Variants in CTNNA3 observed in about 807,000 individuals in gnomAD.
CTNNA3 encodes catenin alpha-3.
In CTNNA3, 76 loss-of-function variants were observed where a neutral mutation model predicts 95.7. The observed-to-expected ratio is 0.79, with a 90% CI of 0.66 to 0.96. The LOEUF (loss-of-function observed/expected upper bound fraction) is 0.96. Ranked by LOEUF, CTNNA3 falls within the 40% of genes least tolerant of loss-of-function variation. CTNNA3 has a pLI of 0.00. For synonymous variants in CTNNA3, 431 were observed against 374.4 expected (o/e 1.15, Z -1.74); for missense variants, 1,191 against 1,089.8 (o/e 1.09, Z -1.31).
chr10:66,453,324 A>T (rs7071493), intron 11 of CTNNA3, among the ~76,000 whole-genome samples: 40,338 of 152,072 alleles, frequency 0.27, 5,513 homozygotes, highest in South Asian at 0.39. Flanking sequence ...TAAACTCTCT[A>T]TTGCAATAAC....
chr10:67,172,977 GA>G (rs61247841), intron 7 of CTNNA3, among the ~76,000 whole-genome samples: 23,280 of 130,394 alleles, frequency 0.18, 2,590 homozygotes, highest in African/African-American at 0.35. Flanking sequence ...CCCATCTCAG[GA>G]AAAAAAAAAA....
chr10:67,411,236 T>C (rs1032581877), intron 5 of CTNNA3, among the ~76,000 whole-genome samples: 1 of 152,102 alleles, frequency 6.6e-6, no homozygotes, highest in Non-Finnish European at 1.5e-5. Context: ...GTATATGAGG[T>C]CATGTGTATG....
intron 7 of CTNNA3, among the ~76,000 whole-genome samples, chr10:66,921,404 TA>T (rs1291317971): frequency 2.0e-5 from 3 of 152,194 alleles, no homozygotes; most frequent in African/African-American, 7.2e-5. Context: ...GATCACATAC[TA>T]ACTCTGCACA....
At chr10:66,603,710 T>C (rs184847921) in intron 10 of CTNNA3, among the ~76,000 whole-genome samples, 21 of 152,194 alleles carry the variant, frequency 1.4e-4, no homozygotes, top group Non-Finnish European at 2.6e-4. Flanking sequence ...TAAAACAGTA[T>C]GGTACTAGCA....
chr10:67,569,833 C>G (rs1694221570), intron 3 of CTNNA3, among the ~76,000 whole-genome samples: 1 of 152,046 alleles, frequency 6.6e-6, no homozygotes, highest in Non-Finnish European at 1.5e-5. Flanking sequence ...TTCCTTTTTG[C>G]TCTTTAAAAC....
intron 11 of CTNNA3, among the ~76,000 whole-genome samples, chr10:66,435,761 T>C (rs1441423166): frequency 3.3e-5 from 5 of 152,204 alleles, no homozygotes; most frequent in Non-Finnish European, 7.3e-5. Context: ...GTTCTTTTCA[T>C]TGTGATGTTA....
intron 11 of CTNNA3, among the ~76,000 whole-genome samples, chr10:66,401,525 A>G (rs1247442427): frequency 1.6e-5 from 1 of 63,158 alleles, no homozygotes; most frequent in Non-Finnish European, 3.0e-5. Flanking sequence ...CAAAACACAC[A>G]CACACACACA....
At chr10:66,735,974 AC>A (rs1178538009) in intron 9 of CTNNA3, among the ~76,000 whole-genome samples, 1 of 152,192 alleles carries the variant, frequency 6.6e-6, no homozygotes, top group African/African-American at 2.4e-5. Context: ...TGCCTTGGGA[AC>A]ATGCTTCCCA....
chr10:66,181,075 G>T lies in CTNNA3; in HGVS notation c.1885-77826C>A, dbSNP rs2086015386. Among the ~76,000 whole-genome samples the T allele has an allele frequency of 3.3e-5, 5 of 151,816 alleles. No individual in the cohort carries two copies. The South Asian group carries it at 1.0e-3, about 31-fold the overall frequency. On this transcript the variant is annotated intron_variant, in intron 13 of 17. Coordinates refer to ENST00000433211, the MANE Select transcript of CTNNA3 (RefSeq NM_013266.4). ...AATTTATATTCAGGGATCACTTAGA[G>T]GTAAGTGTGCTGACTCAAAACACTA... is the stretch of plus-strand genomic sequence containing the variant.
In CTNNA3 at chr10:67,558,053, A is replaced by C. The variant is rs74412859; in HGVS notation, c.293-18384T>G. Among the ~76,000 whole-genome samples the C allele has an allele frequency of 4.4e-3, 673 of 152,316 alleles. 8 individuals are homozygous for C. The highest frequency in any genetic ancestry group is 0.015 in the African/African-American group (644 of 41,574). On this transcript the variant is annotated intron_variant, in intron 3 of 17. Transcript: ENST00000433211. Reference sequence around the variant, plus strand: ...CTAAGCCATATTCCCAAATGCAAGAAGAGTCTTGGAAATGTATCTTTTTAT... The same window carrying C: ...CTAAGCCATATTCCCAAATGCAAGACGAGTCTTGGAAATGTATCTTTTTAT...
At chr10:66,822,281 G>T (rs1842330393) in intron 7 of CTNNA3, among the ~76,000 whole-genome samples, 1 of 151,932 alleles carries the variant, frequency 6.6e-6, no homozygotes, top group Non-Finnish European at 1.5e-5. Context: ...CTTGTTCCAT[G>T]ACCACGGCAA....
At chr10:67,710,980 G>A (rs1405323058) in intron 1 of CTNNA3, among the ~76,000 whole-genome samples, 4 of 152,188 alleles carry the variant, frequency 2.6e-5, no homozygotes. Flanking sequence ...TCTTTCCAGT[G>A]CTGTTCTCAT....
At chr10:67,155,065 C>T (rs968459896) in intron 7 of CTNNA3, among the ~76,000 whole-genome samples, 5 of 152,076 alleles carry the variant, frequency 3.3e-5, no homozygotes, top group East Asian at 1.9e-4. Context: ...CTACTCCATT[C>T]GTAATTACGT....
At position 66,520,661 on chromosome 10, in the gene CTNNA3, G is replaced by A; in HGVS notation, c.1487C>T (p.Ala496Val). ...WENHIHVLTE[A>V]VDDITSIDDF... ...ATCAATGCTTGTAATGTCATCTACG[G>A]CTTCAGTGAGGACATGTATATGATT... The change falls in exon 11 of 18, where the codon GCC becomes GTC. Residue 496 changes from alanine (A) to valine (V), a missense_variant. Transcript: ENST00000433211. 6.2e-7 allele frequency: 1 copy of A among 1,609,486 alleles called. No individual in the cohort carries two copies. The highest frequency in any genetic ancestry group is 8.5e-7 in the Non-Finnish European group (1 of 1,177,396).
rs554467664 is a variant in CTNNA3, at chr10:67,190,884, T to C, written c.844-10364A>G. 5.1e-4 allele frequency among the ~76,000 whole-genome samples: 77 copies of C among 152,262 alleles called. 1 individual carries two copies. The highest frequency in any genetic ancestry group is 1.3e-4 in the Non-Finnish European group (9 of 67,958). Reference sequence around the variant, plus strand: ...ATTATCCAAAACATATGAAGGATTCTTAAAACTCAACTATAAATAAATAGC... The same window carrying C: ...ATTATCCAAAACATATGAAGGATTCCTAAAACTCAACTATAAATAAATAGC... On this transcript the variant is annotated intron_variant, in intron 6 of 17. Transcript: ENST00000433211.
intron 3 of CTNNA3, among the ~76,000 whole-genome samples, chr10:67,562,226 T>C (rs1841542667): frequency 6.6e-6 from 1 of 152,104 alleles, no homozygotes; most frequent in African/African-American, 2.4e-5. Context: ...TGAACATTGA[T>C]ACAAAAATCC....
intron 17 of CTNNA3, among the ~76,000 whole-genome samples, chr10:65,955,621 C>T (rs889500417): frequency 1.1e-4 from 17 of 152,084 alleles, no homozygotes; most frequent in African/African-American, 4.1e-4. Flanking sequence ...TTGTCAAAGG[C>T]CTTTTCTGCA....
chr10:67,280,065 G>A (rs971670428), intron 5 of CTNNA3, among the ~76,000 whole-genome samples: 26 of 150,318 alleles, frequency 1.7e-4, no homozygotes, highest in Non-Finnish European at 3.4e-4. Context: ...AAAGTATGGT[G>A]CTTTGGCATG....
chr10:66,781,555 A>C (rs1338049083), intron 7 of CTNNA3, among the ~76,000 whole-genome samples: 1 of 152,218 alleles, frequency 6.6e-6, no homozygotes, highest in African/African-American at 2.4e-5. Flanking sequence ...AATAAGGTCT[A>C]TAATGTGAAA....
Sources: gnomAD v4.1 joint callset for allele counts (sites outside exome capture counted in the v4.1 genomes callset) on GRCh38, gnomAD v4.1.1 for gene constraint, MANE v1.5 for transcripts, NCBI Gene and HGNC (gene_info 2026-07-23, HGNC 2026-07-21) for gene names.